Variants in CNTNAP4 observed in about 807,000 individuals in gnomAD.
CNTNAP4 encodes contactin associated protein family member 4.
A neutral mutation model predicts 148.4 loss-of-function variants in CNTNAP4; 98 were observed. That is an observed-to-expected ratio of 0.66 (90% CI 0.56 to 0.78). The LOEUF (loss-of-function observed/expected upper bound fraction) is 0.78, where lower values mean the gene tolerates loss of function less well. Ranked by LOEUF, CNTNAP4 falls within the 30% of genes least tolerant of loss-of-function variation. CNTNAP4 has a pLI of 0.00. For missense variants in CNTNAP4, 1,935 were observed against 1,565.6 expected (o/e 1.24, Z -3.98); for synonymous variants, 730 against 565.1 (o/e 1.29, Z -4.14).
chr16:76,497,327 CATAATGTCTAAATAGACTGTGATA>C (rs2082432460), intron 14 of CNTNAP4, among the ~76,000 whole-genome samples: 1 of 152,074 alleles, frequency 6.6e-6, no homozygotes, highest in Non-Finnish European at 1.5e-5. Context: ...TGTTAAAAAA[CATAATGTCTAAATAGACTGTGATA>C]AATTAAGAAT....
chr16:76,394,200 G>A (rs1303813402), intron 3 of CNTNAP4, among the ~76,000 whole-genome samples: 1 of 152,198 alleles, frequency 6.6e-6, no homozygotes, highest in Non-Finnish European at 1.5e-5. Flanking sequence ...GTAGAATAGA[G>A]TTGGTCAGGA....
intron 1 of CNTNAP4, among the ~76,000 whole-genome samples, chr16:76,312,791 A>G (rs1258617266): frequency 6.6e-6 from 1 of 152,210 alleles, no homozygotes; most frequent in Non-Finnish European, 1.5e-5. Context: ...ACTGTGTTCA[A>G]TGATCTCATC....
intron 12 of CNTNAP4, among the ~76,000 whole-genome samples, chr16:76,488,758 A>G (rs750724280): frequency 6.8e-4 from 103 of 152,298 alleles, no homozygotes; most frequent in Non-Finnish European, 1.1e-3. Flanking sequence ...TGCATATATC[A>G]CAGAAAATAT....
At chr16:76,310,171 CAG>C (rs983692377) in intron 1 of CNTNAP4, among the ~76,000 whole-genome samples, 6 of 152,044 alleles carry the variant, frequency 3.9e-5, no homozygotes, top group African/African-American at 4.8e-5. Flanking sequence ...GGGCAGGAAA[CAG>C]AGGTACATCA....
chr16:76,536,713 C>A (rs1297991481), intron 18 of CNTNAP4, among the ~76,000 whole-genome samples: 1 of 152,026 alleles, frequency 6.6e-6, no homozygotes, highest in African/African-American at 2.4e-5. Flanking sequence ...TAGTAGAATA[C>A]TTTTCAGCTT....
At chr16:76,497,551 T>C (rs887525865) in intron 14 of CNTNAP4, among the ~76,000 whole-genome samples, 10 of 152,000 alleles carry the variant, frequency 6.6e-5, no homozygotes, top group Non-Finnish European at 1.3e-4. Context: ...TGTGGAGACA[T>C]GGATGAAGCT....
intron 15 of CNTNAP4, among the ~76,000 whole-genome samples, chr16:76,500,764 A>G (rs1331809451): frequency 6.6e-6 from 1 of 151,428 alleles, no homozygotes; most frequent in Non-Finnish European, 1.5e-5. Context: ...CCATATATAC[A>G]TATATATGTT....
chr16:76,456,349 A>G (rs561125922), intron 8 of CNTNAP4, among the ~76,000 whole-genome samples: 1 of 152,366 alleles, frequency 6.6e-6, no homozygotes, highest in African/African-American at 2.4e-5. Flanking sequence ...GGGTAATTCT[A>G]TGATTAAATA....
chr16:76,456,217 C>A (rs998670004), intron 8 of CNTNAP4, among the ~76,000 whole-genome samples: 6 of 152,126 alleles, frequency 3.9e-5, no homozygotes, highest in African/African-American at 1.4e-4. Flanking sequence ...ACCCTGGAAA[C>A]CAACGGTTGT....
chr16:76,555,520 A>C (rs1185467187), intron 23 of CNTNAP4, among the ~76,000 whole-genome samples: 1 of 152,224 alleles, frequency 6.6e-6, no homozygotes, highest in Non-Finnish European at 1.5e-5. Flanking sequence ...CAGTCTTATA[A>C]TATTGCTTTT....
intron 2 of CNTNAP4, among the ~76,000 whole-genome samples, chr16:76,326,389 A>G (rs1192267611): frequency 6.6e-6 from 1 of 152,160 alleles, no homozygotes; most frequent in African/African-American, 2.4e-5. Flanking sequence ...ATGCCAGTTC[A>G]TGTGTGTCCT....
In CNTNAP4 at chr16:76,335,026, C is replaced by A. The variant is rs371556109; in HGVS notation, c.196+18503C>A. On this transcript the variant is annotated intron_variant, in intron 2 of 23. Coordinates refer to ENST00000611870, the MANE Select transcript of CNTNAP4 (RefSeq NM_033401.5). ...GCTGTGGATCAGAATGAGGCAAGCA[C>A]TCGATAGACACCAGAAGCTTTATTC... Among the ~76,000 whole-genome samples, 8 of 152,166 alleles carry A rather than the reference C, an allele frequency of 5.3e-5. No individual in the cohort carries two copies. The East Asian group carries it at 1.4e-3, about 26-fold the overall frequency.
chr16:76,318,892 AAATT>A (rs529823463), intron 2 of CNTNAP4, among the ~76,000 whole-genome samples: 16 of 152,138 alleles, frequency 1.1e-4, no homozygotes, highest in African/African-American at 3.6e-4. Flanking sequence ...ATATGTAAAT[AAATT>A]AAACCAGCAA....
chr16:76,389,355 T>C (rs963119302), intron 3 of CNTNAP4, among the ~76,000 whole-genome samples: 11 of 152,218 alleles, frequency 7.2e-5, no homozygotes, highest in African/African-American at 2.7e-4. Flanking sequence ...ATCAATGTCA[T>C]GGAATTCTTT....
chr16:76,356,701 G>T (rs543101341), intron 3 of CNTNAP4, among the ~76,000 whole-genome samples: 1 of 152,144 alleles, frequency 6.6e-6, no homozygotes, highest in African/African-American at 2.4e-5. Flanking sequence ...TTAATGAAGC[G>T]TCATTCTTAG....
intron 15 of CNTNAP4, among the ~76,000 whole-genome samples, chr16:76,503,152 A>G (rs549649663): frequency 4.9e-4 from 74 of 152,320 alleles, no homozygotes; most frequent in African/African-American, 1.6e-3. Context: ...AGCTAATGTC[A>G]TACTTTGAAT....
rs2082149891 is a variant in CNTNAP4, at chr16:76,489,852, C to T, written c.2049C>T (p.Tyr683=). ...AEHCEQEFTY[Y]CKKSRLVNKQ... Reference sequence around the variant, plus strand: ...ACTGTGAACAGGAGTTTACTTATTACTGCAAGAAGTCACGGCTGGTCAATA... The same window carrying T: ...ACTGTGAACAGGAGTTTACTTATTATTGCAAGAAGTCACGGCTGGTCAATA... Residue 683 remains tyrosine (Y), a synonymous_variant, in exon 13 of 24, where the codon TAC becomes TAT. Coordinates refer to ENST00000611870, the MANE Select transcript of CNTNAP4 (RefSeq NM_033401.5). The T allele has an allele frequency of 1.3e-6, 2 of 1,577,384 alleles. No individual in the cohort carries two copies. The highest frequency in any genetic ancestry group is 1.7e-6 in the Non-Finnish European group (2 of 1,156,032).
chr16:76,430,954 C>A (rs565099950), intron 4 of CNTNAP4, among the ~76,000 whole-genome samples: 23 of 152,118 alleles, frequency 1.5e-4, no homozygotes, highest in African/African-American at 5.5e-4. Context: ...CCAAAAAGAA[C>A]TAGGTATGGG....
chr16:76,444,902 A>C (rs931613616), intron 4 of CNTNAP4, among the ~76,000 whole-genome samples: 6 of 152,118 alleles, frequency 3.9e-5, no homozygotes, highest in African/African-American at 9.7e-5. Context: ...GAAATCTGTG[A>C]TGCGACTGTA....
Sources: gnomAD v4.1 joint callset for allele counts (sites outside exome capture counted in the v4.1 genomes callset) on GRCh38, gnomAD v4.1.1 for gene constraint, MANE v1.5 for transcripts, NCBI Gene and HGNC (gene_info 2026-07-23, HGNC 2026-07-21) for gene names.